The following YWHAH variants were observed in gnomAD, a reference collection of about 807,000 sequenced individuals.
YWHAH encodes the protein 14-3-3 protein eta.
YWHAH carries 6 observed loss-of-function variants against 22.9 expected under a neutral mutation model. The observed-to-expected ratio is 0.26, with a 90% CI of 0.14 to 0.52. The LOEUF is 0.52. YWHAH is among the 20% of genes least tolerant of loss of function. YWHAH has a pLI of 0.97. For synonymous variants in YWHAH, 135 were observed against 124.5 expected (o/e 1.08, Z -0.56); for missense variants, 173 against 308.6 (o/e 0.56, Z 3.29).
chr22:31,948,081 A>C (rs1272461289), intron 1 of YWHAH, among the ~76,000 whole-genome samples: 2 of 152,092 alleles, frequency 1.3e-5, no homozygotes, highest in African/African-American at 4.8e-5. Flanking sequence ...TTTTTTTTTA[A>C]TCAGTGTTGA....
At chr22:31,950,198 A>G (rs753647796) in intron 1 of YWHAH, 13 of 485,444 alleles carry the variant, frequency 2.7e-5, no homozygotes, top group Non-Finnish European at 4.7e-5. Flanking sequence ...ATTTTAAGAA[A>G]TTATTTCATA....
chr22:31,956,959 G>A lies in YWHAH; in HGVS notation c.*167G>A. 1.1e-6 allele frequency: 1 copy of A among 877,840 alleles called. No individual in the cohort carries two copies. Among genetic ancestry groups the A allele is most frequent in the Non-Finnish European group, 1.7e-6 (1 of 592,830 alleles). 54.4% of individuals were successfully genotyped at this position (877,840 alleles called of 1,614,324 possible). A position where few individuals can be genotyped will look rare whatever the true frequency, so the allele number is the denominator to read the frequency against. ...GGGAAGCAGTTTCAGATAAATCATG[G>A]GCATTGCTGGACTGATGGTTGCTTT... On this transcript the variant is annotated 3_prime_UTR_variant, in exon 2 of 2. Coordinates refer to ENST00000248975, the MANE Select transcript of YWHAH (RefSeq NM_003405.4). This position sits in a 1 kb window ranked among gnomAD's most constrained non-coding sequence, Gnocchi z 5.1.
At chr22:31,949,796 C>A (rs917771379) in intron 1 of YWHAH, among the ~76,000 whole-genome samples, 1 of 152,188 alleles carries the variant, frequency 6.6e-6, no homozygotes, top group Admixed American at 6.5e-5. Context: ...TTAGAGCTCT[C>A]ATTTTAACCA....
In YWHAH at chr22:31,956,922, C is replaced by A; in HGVS notation, c.*130C>A. 1.7e-6 allele frequency: 2 copies of A among 1,182,214 alleles called. No individual in the cohort carries two copies. Among genetic ancestry groups the A allele is most frequent in the Non-Finnish European group, 2.3e-6 (2 of 865,892 alleles). 73.2% of individuals were successfully genotyped at this position (1,182,214 alleles called of 1,614,324 possible). ...GGCAGCACAGCTACTCAGATCTGCACTCCTGTCTCTTGGGAAGCAGTTTCA... is the reference window on the plus strand; with the variant it reads ...GGCAGCACAGCTACTCAGATCTGCAATCCTGTCTCTTGGGAAGCAGTTTCA... On this transcript the variant is annotated 3_prime_UTR_variant, in exon 2 of 2. Transcript: ENST00000248975. This position sits in a 1 kb window ranked among gnomAD's most constrained non-coding sequence, Gnocchi z 5.1.
At chr22:31,949,647 G>A (rs2093840269) in intron 1 of YWHAH, among the ~76,000 whole-genome samples, 2 of 152,088 alleles carry the variant, frequency 1.3e-5, no homozygotes, top group Admixed American at 6.6e-5. Flanking sequence ...ACAGGTGCCC[G>A]CCACCTTCCA....
chr22:31,945,778 G>C, intron 1 of YWHAH: 1 of 1,008,652 alleles, frequency 9.9e-7, no homozygotes, highest in South Asian at 1.7e-5. Flanking sequence ...AGACCTGGGA[G>C]GATCCCCTTG....
Position 31,956,215 on chromosome 22 carries a change from C to T in YWHAH, c.164C>T (p.Ala55Val). 4.3e-6 allele frequency: 7 copies of T among 1,614,080 alleles called. No homozygotes were observed. Among genetic ancestry groups the T allele is most frequent in the Non-Finnish European group, 5.9e-6 (7 of 1,180,028 alleles). ...LSVAYKNVVG[A>V]RRSSWRVISS... ...GTGGCCTACAAGAATGTGGTTGGTG[C>T]CAGGCGATCTTCCTGGAGGGTCATT... Residue 55 changes from alanine (A) to valine (V), a missense_variant, in exon 2 of 2, where the codon GCC becomes GTC. Coordinates refer to ENST00000248975, the MANE Select transcript of YWHAH (RefSeq NM_003405.4). The surrounding 1 kb of genome is among the most constrained non-coding windows in gnomAD (Gnocchi z 5.1).
At chr22:31,948,069 CTT>C (rs113807895) in intron 1 of YWHAH, among the ~76,000 whole-genome samples, 1 of 150,080 alleles carries the variant, frequency 6.7e-6, no homozygotes, top group Non-Finnish European at 1.5e-5. Context: ...ATATAGAAAT[CTT>C]TTTTTTTTAA....
At chr22:31,947,492 T>C (rs1177232074) in intron 1 of YWHAH, 1 of 471,444 alleles carries the variant, frequency 2.1e-6, no homozygotes, top group African/African-American at 2.0e-5. Flanking sequence ...GTTGGTAAGC[T>C]TGAAGAAAAA....
At chr22:31,945,196 G>C in intron 1 of YWHAH, 1 of 1,113,184 alleles carries the variant, frequency 9.0e-7, no homozygotes, top group Non-Finnish European at 1.1e-6. Context: ...TCCCCCTCTC[G>C]TCTTCCTCCG....
At position 31,949,136 on chromosome 22, in the gene YWHAH, CTTTTTTT is replaced by C. The variant is rs760273556; in HGVS notation, c.87+4332_87+4338del. ...TAGCAAGTTTATATAACATATTTTA[CTTTTTTT>C]TTTTTTTTTTTTTTTGAGACAGTTT... On this transcript the variant is annotated intron_variant, in intron 1 of 1. Transcript: ENST00000248975. 7.7e-3 allele frequency among the ~76,000 whole-genome samples: 760 copies of C among 99,062 alleles called. 3 individuals carry two copies. The highest frequency in any genetic ancestry group is 0.031 in the African/African-American group (681 of 21,762). The allele number at this position is 99,062 out of a possible 152,430, so 65.0% of individuals were successfully genotyped here.
rs1363734253 is a variant in YWHAH, at chr22:31,944,779, C to G, written c.46C>G (p.Gln16Glu). 4 of 1,423,034 alleles carry G rather than the reference C, an allele frequency of 2.8e-6. No homozygotes were observed. Among genetic ancestry groups the G allele is most frequent in the Non-Finnish European group, 2.8e-6 (3 of 1,082,870 alleles). The allele number at this position is 1,423,034 out of a possible 1,614,324, so 88.2% of individuals were successfully genotyped here. The change falls in exon 1 of 2, where the codon CAG becomes GAG. Residue 16 changes from glutamine to glutamate, a missense_variant. Coordinates refer to ENST00000248975, the MANE Select transcript of YWHAH (RefSeq NM_003405.4). ...QLLQRARLAE[Q>E]AERYDDMASA... is the part of the protein sequence containing the mutation. ...GCTGCAGCGGGCGCGGCTGGCCGAG[C>G]AGGCGGAGCGCTACGACGACATGGC...
chr22:31,945,149 C>T (rs192514990), intron 1 of YWHAH: 100 of 1,083,840 alleles, frequency 9.2e-5, no homozygotes, highest in Non-Finnish European at 1.1e-4. Context: ...GCGAAGGAGC[C>T]GCATTTCTCC....
At chr22:31,947,009 AAAAG>A (rs1411239667) in intron 1 of YWHAH, among the ~76,000 whole-genome samples, 1 of 152,006 alleles carries the variant, frequency 6.6e-6, no homozygotes, top group Non-Finnish European at 1.5e-5. Context: ...TAAAAGAAAA[AAAAG>A]AATATATTGG....
intron 1 of YWHAH, among the ~76,000 whole-genome samples, chr22:31,949,683 A>AG (rs1395933603): frequency 6.6e-6 from 1 of 152,176 alleles, no homozygotes; most frequent in Non-Finnish European, 1.5e-5. Flanking sequence ...TTAACAATTC[A>AG]GGATAGGTAC....
chr22:31,956,081 CTTCTTACCAAGATT>C lies in YWHAH; in HGVS notation c.88-54_88-41del, dbSNP rs2093849240. 1 of 1,530,610 alleles carries C rather than the reference CTTCTTACCAAGATT, an allele frequency of 6.5e-7. No homozygotes were observed. The allele number at this position is 1,530,610 out of a possible 1,614,324, so 94.8% of individuals were successfully genotyped here. On this transcript the variant is annotated intron_variant, in intron 1 of 1. Coordinates refer to ENST00000248975, the MANE Select transcript of YWHAH (RefSeq NM_003405.4). The surrounding 1 kb of genome is among the most constrained non-coding windows in gnomAD (Gnocchi z 5.1). Reference sequence around the variant, plus strand: ...ATTGTTGATTATGTTGAAGGGAAGGCTTCTTACCAAGATTTTCAGATTTTGCTTTCAATGTTTAT... The same window carrying C: ...ATTGTTGATTATGTTGAAGGGAAGGCTTCAGATTTTGCTTTCAATGTTTAT...
chr22:31,944,742 C>A lies in YWHAH; in HGVS notation c.9C>A (p.Asp3Glu). ...GCCGAGCCGCGAGCGACATGGGGGA[C>A]CGGGAGCAGCTGCTGCAGCGGGCGC... Reference protein sequence around the residue: MGDREQLLQRARL... With the variant: MGEREQLLQRARL... The change falls in exon 1 of 2, where the codon GAC becomes GAA. Residue 3 changes from aspartate to glutamate, a missense_variant. Asp to Glu is a conservative substitution (Grantham distance 45). Coordinates refer to ENST00000248975, the MANE Select transcript of YWHAH (RefSeq NM_003405.4). The A allele has an allele frequency of 7.1e-7, 1 of 1,413,004 alleles. No homozygotes were observed. 87.5% of individuals were successfully genotyped at this position (1,413,004 alleles called of 1,614,324 possible). A position where few individuals can be genotyped will look rare whatever the true frequency, so the allele number is the denominator to read the frequency against.
intron 1 of YWHAH, among the ~76,000 whole-genome samples, chr22:31,946,671 G>T (rs984069189): frequency 6.6e-6 from 1 of 152,186 alleles, no homozygotes; most frequent in Non-Finnish European, 1.5e-5. Flanking sequence ...GAGGCAACTT[G>T]AAATGGGGGA....
rs1358263735 is a variant in YWHAH at position 31,956,146 on chromosome 22, A to G, written c.95A>G (p.Glu32Gly). 4 of 1,599,310 alleles carry G rather than the reference A, an allele frequency of 2.5e-6. No individual in the cohort carries two copies. Among genetic ancestry groups the G allele is most frequent in the Non-Finnish European group, 3.4e-6 (4 of 1,173,338 alleles). Residue 32 changes from glutamate (E) to glycine (G), a missense_variant, in exon 2 of 2, where the codon GAG (glutamate) becomes GGG (glycine). By Grantham distance (98) the Glu-to-Gly change is moderately conservative. Coordinates refer to ENST00000248975, the MANE Select transcript of YWHAH (RefSeq NM_003405.4). This position sits in a 1 kb window ranked among gnomAD's most constrained non-coding sequence, Gnocchi z 5.1. ...CTTTTTGGGGTTTTGCAGGTGACAG[A>G]GCTGAATGAACCTCTCTCCAATGAA... is the stretch of plus-strand genomic sequence containing the variant. Reference protein sequence around the residue: ...DMASAMKAVTELNEPLSNEDR... With the variant: ...DMASAMKAVTGLNEPLSNEDR...
Sources: gnomAD v4.1 joint callset for allele counts (sites outside exome capture counted in the v4.1 genomes callset) on GRCh38, gnomAD v4.1.1 for gene constraint, Gnocchi (gnomAD v3.1) non-coding constraint, MANE v1.5 for transcripts, NCBI Gene and HGNC (gene_info 2026-07-23, HGNC 2026-07-21) for gene names.